DHRSX: variants seen among roughly 807,000 people sequenced by gnomAD.
DHRSX encodes the protein polyprenol dehydrogenase.
Under a neutral mutation model 34.0 loss-of-function variants are expected in DHRSX, and 31 were observed. That is an observed-to-expected ratio of 0.91 (90% CI 0.69 to 1.23). The LOEUF is 1.23. DHRSX is among the 50% of genes most tolerant of loss of function. DHRSX has a pLI of 0.00. For synonymous variants in DHRSX, 201 were observed against 183.8 expected (o/e 1.09, Z -0.76); for missense variants, 414 against 428.1 (o/e 0.97, Z 0.29).
At chrX:2,248,613 CAAA>C (rs1357827255) in intron 5 of DHRSX, among the ~76,000 whole-genome samples, 1 of 17,526 alleles carries the variant, frequency 5.7e-5, no homozygotes. Context: ...GACTCTGTCT[CAAA>C]AAAAAAAAAA....
intron 1 of DHRSX, chrX:2,486,584 T>C (rs1382968352): frequency 4.6e-5 from 7 of 152,080 alleles, no homozygotes; most frequent in East Asian, 3.9e-4. Flanking sequence ...AAGCGAAGGA[T>C]TGTTAGAGAC....
intron 3 of DHRSX, among the ~76,000 whole-genome samples, chrX:2,365,843 T>C (rs770610353): frequency 3.3e-5 from 5 of 152,194 alleles, no homozygotes; most frequent in Non-Finnish European, 5.9e-5. Context: ...AAATACCTAA[T>C]GCATGCTGGG....
chrX:2,324,789 G>A (rs993108859), intron 3 of DHRSX, among the ~76,000 whole-genome samples: 2 of 134,912 alleles, frequency 1.5e-5, no homozygotes, highest in Non-Finnish European at 3.0e-5. Flanking sequence ...TTTTTTTTGA[G>A]ATGGAGTCCC....
At chrX:2,260,640 T>C (rs2041351509) in intron 5 of DHRSX, among the ~76,000 whole-genome samples, 1 of 151,986 alleles carries the variant, frequency 6.6e-6, no homozygotes, top group South Asian at 2.1e-4. Context: ...TTTGTATTTT[T>C]AGTAGAGACA....
intron 3 of DHRSX, among the ~76,000 whole-genome samples, chrX:2,372,165 C>G (rs1188368295): frequency 2.6e-5 from 4 of 152,160 alleles, no homozygotes. Flanking sequence ...GTGAAGAAAA[C>G]ACACTGTTAT....
chrX:2,322,074 G>A (rs1005388086), intron 3 of DHRSX, among the ~76,000 whole-genome samples: 1 of 151,730 alleles, frequency 6.6e-6, no homozygotes, highest in Non-Finnish European at 1.5e-5. Flanking sequence ...CCCATCACCC[G>A]AACAGTATAT....
At chrX:2,257,605 T>C (rs1473146993) in intron 5 of DHRSX, among the ~76,000 whole-genome samples, 1 of 152,150 alleles carries the variant, frequency 6.6e-6, no homozygotes, top group Non-Finnish European at 1.5e-5. Flanking sequence ...AAGATGACCT[T>C]ATTTGGAGAT....
intron 1 of DHRSX, among the ~76,000 whole-genome samples, chrX:2,485,067 A>AC (rs1325726038): frequency 2.0e-5 from 3 of 152,026 alleles, no homozygotes; most frequent in African/African-American, 4.8e-5. Context: ...GGAAACAAAA[A>AC]CAACCAGCTC....
chrX:2,449,152 G>A (rs1183164289), intron 1 of DHRSX, among the ~76,000 whole-genome samples: 8 of 151,248 alleles, frequency 5.3e-5, no homozygotes, highest in South Asian at 2.1e-4. Flanking sequence ...TCGCACCACT[G>A]CACTCCAGCC....
At chrX:2,252,759 G>C (rs1387660624) in intron 5 of DHRSX, among the ~76,000 whole-genome samples, 1 of 152,196 alleles carries the variant, frequency 6.6e-6, no homozygotes, top group Non-Finnish European at 1.5e-5. Flanking sequence ...GTAGTTTCAG[G>C]AGAGATTCCC....
At chrX:2,365,938 C>T (rs2042989861) in intron 3 of DHRSX, among the ~76,000 whole-genome samples, 1 of 152,176 alleles carries the variant, frequency 6.6e-6, no homozygotes, top group African/African-American at 2.4e-5. Flanking sequence ...GAACAGTTCA[C>T]TGAACACTAG....
intron 3 of DHRSX, among the ~76,000 whole-genome samples, chrX:2,357,251 GAA>G (rs928242474): frequency 2.0e-5 from 3 of 149,890 alleles, no homozygotes; most frequent in African/African-American, 4.9e-5. Flanking sequence ...TCTCGAAAAA[GAA>G]AAAAAAAGTT....
At chrX:2,421,363 G>C (rs914701299) in intron 2 of DHRSX, among the ~76,000 whole-genome samples, 3 of 152,218 alleles carry the variant, frequency 2.0e-5, no homozygotes, top group African/African-American at 7.2e-5. Context: ...CTGGGTGACA[G>C]AGTGAGACGC....
intron 3 of DHRSX, among the ~76,000 whole-genome samples, chrX:2,318,320 A>G (rs2042265302): frequency 6.6e-6 from 1 of 151,634 alleles, no homozygotes; most frequent in Non-Finnish European, 1.5e-5. Flanking sequence ...ACTGCACTCC[A>G]GCCTGGGCAA....
chrX:2,362,725 TGCCGCC>T (rs1485655991), intron 3 of DHRSX, among the ~76,000 whole-genome samples: 23 of 152,202 alleles, frequency 1.5e-4, no homozygotes, highest in African/African-American at 5.5e-4. Context: ...CTTGAGATCA[TGCCGCC>T]ATTTTATCAC....
At chrX:2,227,389 TAAGG>T (rs1242674484) in intron 6 of DHRSX, among the ~76,000 whole-genome samples, 17 of 142,006 alleles carry the variant, frequency 1.2e-4, no homozygotes, top group African/African-American at 4.5e-4. Context: ...AGAAAGGAAT[TAAGG>T]AAGGAAAGAA....
chrX:2,403,502 T>A (rs1359774720), intron 3 of DHRSX, among the ~76,000 whole-genome samples: 1 of 152,178 alleles, frequency 6.6e-6, no homozygotes, highest in South Asian at 2.1e-4. Context: ...CACAAAACAC[T>A]GCACTTTAAA....
At chrX:2,431,657 A>G (rs1398196818) in intron 1 of DHRSX, among the ~76,000 whole-genome samples, 2 of 152,210 alleles carry the variant, frequency 1.3e-5, no homozygotes, top group East Asian at 3.9e-4. Flanking sequence ...ACACAGAACC[A>G]GGAAACTAAA....
intron 3 of DHRSX, among the ~76,000 whole-genome samples, chrX:2,402,589 C>T (rs2043499576): frequency 6.6e-6 from 1 of 152,232 alleles, no homozygotes; most frequent in African/African-American, 2.4e-5. Context: ...GAAATGTCCC[C>T]ACCCAGCTGG....
Sources: gnomAD v4.1 joint callset for allele counts (sites outside exome capture counted in the v4.1 genomes callset) on GRCh38, gnomAD v4.1.1 for gene constraint, MANE v1.5 for transcripts, NCBI Gene and HGNC (gene_info 2026-07-23, HGNC 2026-07-21) for gene names.